Variants in LDB2 observed in about 807,000 individuals in gnomAD.
LDB2 encodes the protein LIM domain-binding protein 2.
A neutral mutation model predicts 44.3 loss-of-function variants in LDB2; 12 were observed. That is an observed-to-expected ratio of 0.27 (90% confidence interval 0.17 to 0.44). The LOEUF is 0.44. Ranked by LOEUF, LDB2 falls within the 20% of genes least tolerant of loss-of-function variation. LDB2 has a pLI of 1.00. For missense variants in LDB2, 344 were observed against 473.5 expected, an observed-to-expected ratio of 0.73 and a Z score of 2.54; for synonymous variants, 164 against 174.8, an observed-to-expected ratio of 0.94 and a Z score of 0.49.
intron 2 of LDB2, among the ~76,000 whole-genome samples, chr4:16,699,639 A>T (rs1752982281): frequency 6.6e-6 from 1 of 152,212 alleles, no homozygotes; most frequent in Non-Finnish European, 1.5e-5. Flanking sequence ...GAATTGTGAG[A>T]GGAATAAGGC....
intron 2 of LDB2, among the ~76,000 whole-genome samples, chr4:16,604,541 ATG>A (rs1409828115): frequency 6.7e-6 from 1 of 149,856 alleles, no homozygotes; most frequent in South Asian, 2.1e-4. Context: ...ATATATATAT[ATG>A]TATAACAGAA....
chr4:16,745,303 G>A (rs906517508), intron 2 of LDB2, among the ~76,000 whole-genome samples: 34 of 152,190 alleles, frequency 2.2e-4, no homozygotes, highest in African/African-American at 8.2e-4. Flanking sequence ...GCAGGCTGAG[G>A]CAATGGCAGA....
intron 7 of LDB2, among the ~76,000 whole-genome samples, chr4:16,505,203 C>T (rs11735349): frequency 0.043 from 6,611 of 152,210 alleles, 186 homozygotes; most frequent in Non-Finnish European, 0.064. Context: ...GTAATCTGTT[C>T]GGTGAATCTT....
intron 1 of LDB2, among the ~76,000 whole-genome samples, chr4:16,842,723 G>A (rs1466351174): frequency 3.3e-5 from 5 of 152,140 alleles, no homozygotes; most frequent in Non-Finnish European, 5.9e-5. Context: ...GGAGACCAGC[G>A]TTTGGATTCA....
chr4:16,874,890 A>T (rs1393896012), intron 1 of LDB2, among the ~76,000 whole-genome samples: 2 of 152,210 alleles, frequency 1.3e-5, no homozygotes, highest in African/African-American at 4.8e-5. Flanking sequence ...GGCACTTGAC[A>T]AAAATTGGTC....
chr4:16,556,216 T>G (rs573649839), intron 5 of LDB2, among the ~76,000 whole-genome samples: 4 of 152,358 alleles, frequency 2.6e-5, no homozygotes, highest in African/African-American at 9.6e-5. Flanking sequence ...CACCCAACCA[T>G]AAGCATATAA....
intron 2 of LDB2, among the ~76,000 whole-genome samples, chr4:16,638,413 C>T (rs1044389004): frequency 4.3e-4 from 65 of 152,110 alleles, no homozygotes; most frequent in Non-Finnish European, 7.3e-4. Flanking sequence ...GCTGAATGAA[C>T]GTACGAATAG....
intron 1 of LDB2, among the ~76,000 whole-genome samples, chr4:16,857,495 T>C (rs1789589612): frequency 6.6e-6 from 1 of 152,224 alleles, no homozygotes; most frequent in South Asian, 2.1e-4. Flanking sequence ...AAGCCTCCTG[T>C]GGCTTCCCAC....
intron 1 of LDB2, among the ~76,000 whole-genome samples, chr4:16,882,361 A>G (rs1720392964): frequency 6.6e-6 from 1 of 152,228 alleles, no homozygotes; most frequent in African/African-American, 2.4e-5. Flanking sequence ...TAATAAAGCT[A>G]ACAGCAGAGT....
chr4:16,649,882 T>C (rs549447445), intron 2 of LDB2, among the ~76,000 whole-genome samples: 2 of 152,284 alleles, frequency 1.3e-5, no homozygotes, highest in South Asian at 2.1e-4. Context: ...AAGGAATTGA[T>C]AGAGCTGGTG....
At chr4:16,769,631 C>T (rs537447114) in intron 1 of LDB2, among the ~76,000 whole-genome samples, 25 of 150,428 alleles carry the variant, frequency 1.7e-4, no homozygotes, top group Non-Finnish European at 3.4e-4. Flanking sequence ...TTAAACAACT[C>T]ATGTTCTAGA....
chr4:16,815,978 C>A (rs969199650), intron 1 of LDB2, among the ~76,000 whole-genome samples: 1 of 152,144 alleles, frequency 6.6e-6, no homozygotes, highest in African/African-American at 2.4e-5. Context: ...GAGGCCGAGG[C>A]GGGTGGATCG....
rs1717714749 is a variant in LDB2, at chr4:16,502,288, C to G, written c.*355G>C. The G allele has an allele frequency of 4.4e-6, 1 of 228,820 alleles. No individual in the cohort carries two copies. The highest frequency in any genetic ancestry group is 5.0e-5 in the Admixed American group (1 of 20,060). 14.2% of individuals were successfully genotyped at this position (228,820 alleles called of 1,614,324 possible). ...TATTAATGAGATCCTGAGCACTGAG[C>G]ATTTATGGACAATATGGCCTTCGTT... On this transcript the variant is annotated 3_prime_UTR_variant, in exon 8 of 8. Coordinates refer to ENST00000304523, the MANE Select transcript of LDB2 (RefSeq NM_001290.5).
intron 2 of LDB2, among the ~76,000 whole-genome samples, chr4:16,700,278 TA>T (rs1257087801): frequency 6.6e-6 from 1 of 152,204 alleles, no homozygotes; most frequent in Non-Finnish European, 1.5e-5. Context: ...GCAATTCTAA[TA>T]AATGGTCAAC....
chr4:16,575,673 C>A (rs1040302991), intron 5 of LDB2, among the ~76,000 whole-genome samples: 1 of 152,220 alleles, frequency 6.6e-6, no homozygotes, highest in Non-Finnish European at 1.5e-5. Flanking sequence ...TATACAAATA[C>A]ATGAAAATGA....
At chr4:16,622,010 C>T (rs112240749) in intron 2 of LDB2, among the ~76,000 whole-genome samples, 1,873 of 152,212 alleles carry the variant, frequency 0.012, 20 homozygotes, top group Middle Eastern at 0.048. Context: ...AAAAAGTAAC[C>T]GCAATTACTT....
intron 1 of LDB2, among the ~76,000 whole-genome samples, chr4:16,821,181 C>T (rs1781894575): frequency 6.6e-6 from 1 of 152,078 alleles, no homozygotes. Context: ...TTTCTCGCTC[C>T]GTCATCATTC....
chr4:16,515,074 GT>G (rs368893597), intron 5 of LDB2, among the ~76,000 whole-genome samples: 1 of 152,226 alleles, frequency 6.6e-6, no homozygotes, highest in Non-Finnish European at 1.5e-5. Context: ...AGAAAATGTG[GT>G]ACACATTCAC....
At chr4:16,653,769 C>G (rs1355196435) in intron 2 of LDB2, 3 of 152,172 alleles carry the variant, frequency 2.0e-5, no homozygotes, top group Non-Finnish European at 4.4e-5. Flanking sequence ...GAATGGGAGC[C>G]AGACAGCTTT....
Sources: allele counts gnomAD v4.1 joint callset (sites outside exome capture counted in the v4.1 genomes callset), GRCh38; gene constraint gnomAD v4.1.1; transcripts MANE v1.5; gene names NCBI Gene and HGNC (gene_info 2026-07-23, HGNC 2026-07-21).